USP42: variants seen among roughly 807,000 people sequenced by gnomAD.
The protein encoded by USP42 is ubiquitin carboxyl-terminal hydrolase 42.
Under a neutral mutation model 113.0 loss-of-function variants are expected in USP42, and 23 were observed. The ratio of observed to expected loss-of-function variants is 0.20; its 90% CI spans 0.15 to 0.29. The LOEUF (loss-of-function observed/expected upper bound fraction) is 0.29, where lower values mean the gene tolerates loss of function less well. Ranked by LOEUF, USP42 falls within the 10% of genes least tolerant of loss-of-function variation. The pLI is 1.00. For synonymous variants in USP42, 933 were observed against 699.0 expected (o/e 1.33, Z -5.28); for missense variants, 2,174 against 1,779.8 (o/e 1.22, Z -3.99).
intron 14 of USP42, among the ~76,000 whole-genome samples, chr7:6,152,013 TA>T (rs1053036198): frequency 1.3e-5 from 2 of 152,014 alleles, no homozygotes; most frequent in Admixed American, 1.3e-4. Flanking sequence ...TTATAGATAA[TA>T]AAACCTGCCC....
chr7:6,145,905 A>G (rs10228430), intron 10 of USP42, among the ~76,000 whole-genome samples: 11,060 of 151,674 alleles, frequency 0.073, 506 homozygotes, highest in African/African-American at 0.12. Context: ...CCCCGCCTCT[A>G]TTAAAAATAC....
the USP42 span, among the ~76,000 whole-genome samples, chr7:6,098,657 T>C: frequency 6.6e-6 from 1 of 150,398 alleles, no homozygotes; most frequent in African/African-American, 2.5e-5. Flanking sequence ...GTTCAAACGA[T>C]TCTCCTGCCT....
In USP42 at chr7:6,158,647, GC is replaced by G; in HGVS notation, c.3944-801del. On this transcript the variant is annotated intron_variant, in intron 16 of 17. Transcript: ENST00000306177. This position sits in a 1 kb window ranked among gnomAD's most constrained non-coding sequence, Gnocchi z 4.2. ...GGAGATGAGGACAGGCACCAGCACT[GC>G]CGGTGAGGACGGGTTGCCTGCGGGC... 6.6e-6 allele frequency among the ~76,000 whole-genome samples: 1 copy of G among 152,362 alleles called. No homozygotes were observed. The highest frequency in any genetic ancestry group is 1.5e-5 in the Non-Finnish European group (1 of 68,040).
chr7:6,118,186 G>C (rs1780019503), intron 3 of USP42, among the ~76,000 whole-genome samples: 1 of 152,030 alleles, frequency 6.6e-6, no homozygotes, highest in Non-Finnish European at 1.5e-5. Flanking sequence ...TTGAGCCCAG[G>C]ATTTCAAGAC....
In USP42 at chr7:6,155,136, G is replaced by A; in HGVS notation, c.3582G>A (p.Lys1194=). 1 of 1,550,664 alleles carries A rather than the reference G, an allele frequency of 6.4e-7. No homozygotes were observed. The highest frequency in any genetic ancestry group is 2.4e-5 in the East Asian group (1 of 41,076). ...CTCTAGAAGAGCCTAAAGCAAAGAA[G>A]CACAAAAAATCAAAGAAGAAAAAGA... The part of the protein sequence containing the change: ...KDPLEEPKAK[K]HKKSKKKKKS... Residue 1194 remains lysine (K), a synonymous_variant, in exon 15 of 18, where the codon AAG becomes AAA. Transcript: ENST00000306177.
intron 9 of USP42, among the ~76,000 whole-genome samples, chr7:6,145,216 G>A (rs541026404): frequency 2.0e-5 from 3 of 150,590 alleles, no homozygotes; most frequent in African/African-American, 4.9e-5. Flanking sequence ...CTGTAATCCC[G>A]GCTACTCGGG....
chr7:6,146,665 A>G (rs545567172), intron 11 of USP42, among the ~76,000 whole-genome samples: 2 of 152,280 alleles, frequency 1.3e-5, no homozygotes, highest in South Asian at 4.1e-4. Context: ...ACTGTCTCAA[A>G]AAAAAACCAA....
chr7:6,135,170 T>A (rs1428974444), intron 3 of USP42, among the ~76,000 whole-genome samples: 1 of 152,166 alleles, frequency 6.6e-6, no homozygotes, highest in Non-Finnish European at 1.5e-5. Context: ...GGAAAAACCT[T>A]GCTTTTCCTG....
At chr7:6,095,357 A>G in the USP42 span, among the ~76,000 whole-genome samples, 1 of 151,330 alleles carries the variant, frequency 6.6e-6, no homozygotes, top group Middle Eastern at 3.4e-3. Context: ...TCCCCAGCAT[A>G]TAATTACGGA....
intron 8 of USP42, among the ~76,000 whole-genome samples, chr7:6,143,877 C>G (rs1277334457): frequency 6.6e-6 from 1 of 152,030 alleles, no homozygotes; most frequent in Non-Finnish European, 1.5e-5. Flanking sequence ...GTCCTAACTT[C>G]CTTTCCTTTC....
chr7:6,154,540 C>T lies in USP42; in HGVS notation c.2986C>T (p.Pro996Ser), dbSNP rs1002627434. The change falls in exon 15 of 18, where the codon CCG (proline) becomes TCG (serine). Residue 996 changes from proline to serine, a missense_variant. Pro to Ser is a moderately conservative substitution (Grantham distance 74). Coordinates refer to ENST00000306177, the MANE Select transcript of USP42 (RefSeq NM_032172.3). ...GCGCGACCGCCAGGACCGCCACGCC[C>T]CGGAGCACCACCCCGGCCACGGCGA... ...RERDRQDRHA[P>S]EHHPGHGDRL... 11 of 1,545,884 alleles carry T rather than the reference C, an allele frequency of 7.1e-6. No individual in the cohort carries two copies. Among genetic ancestry groups the T allele is most frequent in the East Asian group, 2.5e-5 (1 of 40,802 alleles).
At chr7:6,092,559 A>G in the USP42 span, among the ~76,000 whole-genome samples, 1 of 151,306 alleles carries the variant, frequency 6.6e-6, no homozygotes, top group Non-Finnish European at 1.5e-5. Context: ...CCCATCCACT[A>G]AGTATTACCT....
Position 6,111,183 on chromosome 7 carries a change from A to C in USP42, c.50A>C (p.Gln17Pro). Residue 17 changes from glutamine (Q) to proline (P), a missense_variant, in exon 2 of 18, where the codon CAG becomes CCG. Coordinates refer to ENST00000306177, the MANE Select transcript of USP42 (RefSeq NM_032172.3). Reference sequence around the variant, plus strand: ...GAATCTTCAGACCCATCAGCCTATCAGAATCAGCCTGGCAGCTCCGAGGCA... The same window carrying C: ...GAATCTTCAGACCCATCAGCCTATCCGAATCAGCCTGGCAGCTCCGAGGCA... ...ASESSDPSAY[Q>P]NQPGSSEAVS... The C allele has an allele frequency of 6.2e-7, 1 of 1,613,188 alleles. No homozygotes were observed. Among genetic ancestry groups the C allele is most frequent in the Non-Finnish European group, 8.5e-7 (1 of 1,179,478 alleles).
At chr7:6,120,254 GC>G (rs1358615537) in intron 3 of USP42, among the ~76,000 whole-genome samples, 5 of 152,066 alleles carry the variant, frequency 3.3e-5, no homozygotes, top group Admixed American at 2.0e-4. Flanking sequence ...GTGAGCCACT[GC>G]GCCCGGCCCT....
At chr7:6,082,632 A>G in the USP42 span, among the ~76,000 whole-genome samples, 108 of 84,506 alleles carry the variant, frequency 1.3e-3, 2 homozygotes, top group East Asian at 0.025. Context: ...TTTTTTTGAG[A>G]CACTGTCTCC....
chr7:6,144,859 G>T (rs1208750003), intron 9 of USP42, among the ~76,000 whole-genome samples: 3 of 149,154 alleles, frequency 2.0e-5, no homozygotes, highest in Non-Finnish European at 3.0e-5. Flanking sequence ...AACAGAGTCA[G>T]ATTCTGTCTC....
intron 3 of USP42, among the ~76,000 whole-genome samples, chr7:6,132,060 A>G (rs1009044506): frequency 2.0e-4 from 30 of 152,180 alleles, no homozygotes; most frequent in African/African-American, 6.5e-4. Flanking sequence ...AACTTCCTGA[A>G]TAGCTGGGAC....
the USP42 span, among the ~76,000 whole-genome samples, chr7:6,082,387 C>G: frequency 6.6e-6 from 1 of 151,774 alleles, no homozygotes; most frequent in Non-Finnish European, 1.5e-5. Context: ...CTTGGCCTCC[C>G]GAAGTGCTGG....
At chr7:6,132,455 T>A (rs1483695819) in intron 3 of USP42, among the ~76,000 whole-genome samples, 1 of 151,802 alleles carries the variant, frequency 6.6e-6, no homozygotes, top group African/African-American at 2.4e-5. Flanking sequence ...CCTCCCAGGT[T>A]CAAGTGATTC....
Sources: gnomAD v4.1 joint callset for allele counts (sites outside exome capture counted in the v4.1 genomes callset) on GRCh38, gnomAD v4.1.1 for gene constraint, Gnocchi (gnomAD v3.1) non-coding constraint, MANE v1.5 for transcripts, NCBI Gene and HGNC (gene_info 2026-07-23, HGNC 2026-07-21) for gene names.